HDAC8: variants seen among roughly 807,000 people sequenced by gnomAD.
HDAC8 encodes the protein histone deacetylase-like 1.
HDAC8 carries 1 observed loss-of-function variant against 32.2 expected under a neutral mutation model. The ratio of observed to expected loss-of-function variants is 0.03; its 90% CI spans 0.01 to 0.15. HDAC8 has a LOEUF of 0.15. HDAC8 is among the 10% of genes least tolerant of loss of function. The pLI is 1.00. For synonymous variants in HDAC8, 108 were observed against 113.9 expected (o/e 0.95, Z 0.33); for missense variants, 117 against 300.0 (o/e 0.39, Z 4.51).
rs1290689275 is a variant in HDAC8, at chrX:72,376,081, C to CT, written c.1006-24244dup. 9.8e-3 allele frequency among the ~76,000 whole-genome samples: 1,038 copies of CT among 105,428 alleles called. 5 individuals are homozygous for CT. The highest frequency in any genetic ancestry group is 0.014 in the Non-Finnish European group (732 of 50,879). 91.6% of individuals were successfully genotyped at this position (105,428 alleles called of 115,157 possible). A position where few individuals can be genotyped will look rare whatever the true frequency, so the allele number is the denominator to read the frequency against. The stretch of plus-strand genomic sequence containing the variant: ...GTTGCTCATAGTATTCCTTTATGCT[C>CT]TTTTTTTTTTTGAGACGAGGTCTCA... On this transcript the variant is annotated intron_variant, in intron 9 of 10. Transcript: ENST00000373573.
chrX:72,379,558 C>T (rs1182766494), intron 9 of HDAC8, among the ~76,000 whole-genome samples: 5 of 88,894 alleles, frequency 5.6e-5, no homozygotes, highest in East Asian at 3.6e-4. Flanking sequence ...AGTGCAGTGG[C>T]GTGATCTCGG....
At chrX:72,565,008 A>AT (rs781810503) in intron 4 of HDAC8, among the ~76,000 whole-genome samples, 1 of 111,800 alleles carries the variant, frequency 8.9e-6, no homozygotes, top group African/African-American at 3.2e-5. Context: ...TGGTATGAAC[A>AT]TTTTTTCCCA....
At chrX:72,390,892 G>A (rs886068302) in intron 9 of HDAC8, among the ~76,000 whole-genome samples, 1 of 111,233 alleles carries the variant, frequency 9.0e-6, no homozygotes, top group African/African-American at 3.3e-5. Flanking sequence ...AAAATTTATC[G>A]TTACCCTAAA....
intron 10 of HDAC8, among the ~76,000 whole-genome samples, chrX:72,333,931 T>G (rs1555941521): frequency 9.0e-6 from 1 of 111,517 alleles, no homozygotes; most frequent in Non-Finnish European, 1.9e-5. Context: ...AAATTCCATG[T>G]CAAAGCATTC....
At chrX:72,363,889 G>T (rs537635389) in intron 9 of HDAC8, among the ~76,000 whole-genome samples, 1 of 112,045 alleles carries the variant, frequency 8.9e-6, no homozygotes, top group Non-Finnish European at 1.9e-5. Context: ...CTGTTTTTTA[G>T]AAGAGAGATG....
At chrX:72,336,231 G>A (rs1028359753) in intron 10 of HDAC8, among the ~76,000 whole-genome samples, 2 of 111,995 alleles carry the variant, frequency 1.8e-5, no homozygotes, top group Admixed American at 9.5e-5. Context: ...TAATAGATAT[G>A]TAATGGTATC....
At chrX:72,371,422 G>A (rs1399990547) in intron 9 of HDAC8, among the ~76,000 whole-genome samples, 7 of 111,854 alleles carry the variant, frequency 6.3e-5, no homozygotes, top group African/African-American at 2.3e-4. Context: ...CAGCTACCAG[G>A]AATGAGATTT....
Position 72,566,380 on chromosome X carries a change from G to C in HDAC8, c.437+1509C>G, listed in dbSNP as rs782185272. ...GGCAAGCAAGCAAAAGCTAACAAAAGGCAGCTTGTCTCTGTTTTTAAAACC... is the reference window on the plus strand; with the variant it reads ...GGCAAGCAAGCAAAAGCTAACAAAACGCAGCTTGTCTCTGTTTTTAAAACC... On this transcript the variant is annotated intron_variant, in intron 4 of 10. Transcript: ENST00000373573. Among the ~76,000 whole-genome samples the C allele has an allele frequency of 3.6e-5, 4 of 112,319 alleles. No homozygotes were observed. In the South Asian group the frequency reaches 1.5e-3, roughly 42 times the overall value.
At chrX:72,463,673 C>T (rs781979955) in intron 8 of HDAC8, among the ~76,000 whole-genome samples, 2 of 111,919 alleles carry the variant, frequency 1.8e-5, no homozygotes, top group South Asian at 7.5e-4. Context: ...AATTTTGAGC[C>T]TTCTAGAGTT....
At chrX:72,540,711 T>C (rs905943530) in intron 4 of HDAC8, among the ~76,000 whole-genome samples, 3 of 112,143 alleles carry the variant, frequency 2.7e-5, no homozygotes, top group African/African-American at 9.7e-5. Flanking sequence ...TTACCACTGA[T>C]TCATTCAACA....
intron 9 of HDAC8, 144 bp downstream of exon 9, chrX:72,461,860 A>T: frequency 2.4e-6 from 1 of 410,313 alleles, no homozygotes. Flanking sequence ...ACAAGAGTCC[A>T]CTATTCTGCC....
intron 9 of HDAC8, among the ~76,000 whole-genome samples, chrX:72,444,212 A>G (rs1180376805): frequency 1.1e-5 from 1 of 94,884 alleles, no homozygotes; most frequent in South Asian, 5.9e-4. Flanking sequence ...CTGATACCAA[A>G]GCCCAGCAGA....
At chrX:72,548,575 T>C (rs1043662435) in intron 4 of HDAC8, among the ~76,000 whole-genome samples, 14 of 112,099 alleles carry the variant, frequency 1.2e-4, no homozygotes, top group Admixed American at 1.2e-3. Context: ...CACCTCCTTG[T>C]CTCACTGGCA....
Position 72,405,842 on chromosome X carries a change from A to C in HDAC8, c.1006-54004T>G, listed in dbSNP as rs538298715. ...ATTTTCAACTGATGTATAAAGCTTC[A>C]TTGAGGTTTTTAATGTCAATTACTG... On this transcript the variant is annotated intron_variant, in intron 9 of 10. Coordinates refer to ENST00000373573, the MANE Select transcript of HDAC8 (RefSeq NM_018486.3). Among the ~76,000 whole-genome samples the C allele has an allele frequency of 1.1e-4, 12 of 111,640 alleles. No homozygotes were observed. The South Asian group carries it at 3.0e-3, about 28-fold the overall frequency.
At chrX:72,526,187 T>C in intron 4 of HDAC8, among the ~76,000 whole-genome samples, 1 of 111,615 alleles carries the variant, frequency 9.0e-6, no homozygotes, top group Non-Finnish European at 1.9e-5. Context: ...TTTTGTGCTC[T>C]AGCAATACTG....
chrX:72,549,868 T>C (rs2051005345), intron 4 of HDAC8, among the ~76,000 whole-genome samples: 1 of 111,941 alleles, frequency 8.9e-6, no homozygotes, highest in African/African-American at 3.2e-5. Context: ...ATCAAAATAA[T>C]GTCCTCACAG....
At chrX:72,543,869 A>C (rs1272554780) in intron 4 of HDAC8, among the ~76,000 whole-genome samples, 1 of 112,605 alleles carries the variant, frequency 8.9e-6, no homozygotes, top group Non-Finnish European at 1.9e-5. Context: ...GGCTTCTTGG[A>C]GTGGTGCTAA....
intron 8 of HDAC8, 46 bp from the exon 9 acceptor site, chrX:72,462,144 A>C (rs1555991995): frequency 5.4e-5 from 53 of 977,880 alleles, no homozygotes; most frequent in Non-Finnish European, 7.5e-5. Context: ...TAGTCATAAA[A>C]CAGCAGGAGA....
At chrX:72,361,798 C>T (rs1381803107) in intron 9 of HDAC8, among the ~76,000 whole-genome samples, 1 of 110,232 alleles carries the variant, frequency 9.1e-6, no homozygotes, top group Admixed American at 9.7e-5. Context: ...ATAATTATAG[C>T]AAAAGCAGAG....
Sources: allele counts gnomAD v4.1 joint callset (sites outside exome capture counted in the v4.1 genomes callset), GRCh38; gene constraint gnomAD v4.1.1; transcripts MANE v1.5; gene names NCBI Gene and HGNC (gene_info 2026-07-23, HGNC 2026-07-21).